The following SUGT1 variants were observed in gnomAD, a reference collection of about 807,000 sequenced individuals.
The protein encoded by SUGT1 is protein SGT1 homolog.
SUGT1 carries 15 observed loss-of-function variants against 56.1 expected under a neutral mutation model. The ratio of observed to expected loss-of-function variants is 0.27; its 90% CI spans 0.18 to 0.41. SUGT1 has a LOEUF of 0.41. Ranked by LOEUF, SUGT1 falls within the 10% of genes least tolerant of loss-of-function variation. The pLI, the probability that SUGT1 is intolerant of heterozygous loss-of-function variation, is 1.00. For synonymous variants in SUGT1, 123 were observed against 128.6 expected, an observed-to-expected ratio of 0.96 and a Z score of 0.30; for missense variants, 347 against 382.2, an observed-to-expected ratio of 0.91 and a Z score of 0.77.
At chr13:52,653,024 G>GA in intron 1 of SUGT1, 22 bp from the exon 2 acceptor site, 1 of 1,614,172 alleles carries the variant, frequency 6.2e-7, no homozygotes, top group Non-Finnish European at 8.5e-7. Flanking sequence ...GAGCCCTGCT[G>GA]AAGTCGTTGT....
At position 52,687,766 on chromosome 13, in the gene SUGT1, C is replaced by G; in HGVS notation, c.933C>G (p.Asn311Lys). ...CGGGTGGTACAGTTTTGAGTACCAA[C>G]TGGTCTGATGTAGGTAAAAGGAAAG... ...MESGGTVLST[N>K]WSDVGKRKVE... The change falls in exon 13 of 13, where the codon AAC (asparagine) becomes AAG (lysine). Residue 311 changes from asparagine (N) to lysine (K), a missense_variant. Coordinates refer to ENST00000310528, the MANE Select transcript of SUGT1 (RefSeq NM_006704.5). 1 of 1,602,064 alleles carries G rather than the reference C, an allele frequency of 6.2e-7. No homozygotes were observed. The highest frequency in any genetic ancestry group is 8.5e-7 in the Non-Finnish European group (1 of 1,175,394).
At chr13:52,682,307 T>G (rs1488864359) in intron 12 of SUGT1, among the ~76,000 whole-genome samples, 1 of 152,208 alleles carries the variant, frequency 6.6e-6, no homozygotes, top group Non-Finnish European at 1.5e-5. Context: ...CAAGTGATCC[T>G]TATGCCTCAG....
intron 12 of SUGT1, among the ~76,000 whole-genome samples, chr13:52,686,270 C>A (rs1309545304): frequency 2.0e-5 from 3 of 152,122 alleles, no homozygotes; most frequent in Non-Finnish European, 4.4e-5. Context: ...GTAATTCAGT[C>A]ATTTTATTTA....
chr13:52,675,163 C>G (rs1185605542), intron 10 of SUGT1, among the ~76,000 whole-genome samples: 1 of 152,170 alleles, frequency 6.6e-6, no homozygotes, highest in Non-Finnish European at 1.5e-5. Flanking sequence ...AGCGTTTCCC[C>G]TTCACAGTCA....
intron 12 of SUGT1, among the ~76,000 whole-genome samples, chr13:52,685,230 C>G (rs1963531178): frequency 6.9e-6 from 1 of 143,982 alleles, no homozygotes; most frequent in South Asian, 2.3e-4. Context: ...CCACACCTGG[C>G]TATTTTTCTT....
In SUGT1 at chr13:52,700,851, A is replaced by G. The variant is rs1458920464; in HGVS notation, c.*13016A>G. The G allele has an allele frequency of 6.6e-6, 1 of 152,224 alleles. No homozygotes were observed. The highest frequency in any genetic ancestry group is 1.5e-5 in the Non-Finnish European group (1 of 68,040). The allele number at this position is 152,224 out of a possible 1,614,324, so 9.4% of individuals were successfully genotyped here. A position where few individuals can be genotyped will look rare whatever the true frequency, so the allele number is the denominator to read the frequency against. ...AATTAAGTCAATCCACTCACAAAGA[A>G]TTTCTATTTTGTAAAAATGTAGCTT... is the stretch of plus-strand genomic sequence containing the variant. On this transcript the variant is annotated 3_prime_UTR_variant, in exon 13 of 13. Transcript: ENST00000310528.
At chr13:52,667,435 C>T (rs1247047331) in intron 10 of SUGT1, among the ~76,000 whole-genome samples, 1 of 152,006 alleles carries the variant, frequency 6.6e-6, no homozygotes, top group African/African-American at 2.4e-5. Context: ...ACCTCTGCCT[C>T]CTGGATCCAA....
At position 52,691,939 on chromosome 13, in the gene SUGT1, T is replaced by C. The variant is rs940630482; in HGVS notation, c.*4104T>C. On this transcript the variant is annotated 3_prime_UTR_variant, in exon 13 of 13. Transcript: ENST00000310528. ...ATTTTGGGAACTTGTGGGGAAAATA[T>C]TGATTTACCTACAAATGTTACTATT... The C allele has an allele frequency of 7.2e-5, 11 of 152,228 alleles. No homozygotes were observed. Among genetic ancestry groups the C allele is most frequent in the Admixed American group, 3.3e-4 (5 of 15,278 alleles). The allele number at this position is 152,228 out of a possible 1,614,324, so 9.4% of individuals were successfully genotyped here.
intron 7 of SUGT1, 119 bp downstream of exon 7, chr13:52,663,231 A>C: frequency 9.9e-7 from 1 of 1,012,304 alleles, no homozygotes; most frequent in Non-Finnish European, 1.4e-6. Flanking sequence ...AATTCCATTT[A>C]AGTGCTGGTT....
rs942321911 is a variant in SUGT1 at position 52,693,162 on chromosome 13, A to G, written c.*5327A>G. On this transcript the variant is annotated 3_prime_UTR_variant, in exon 13 of 13. Transcript: ENST00000310528. ...AATTTTGGCTTGTCTGGAGTCTTAA[A>G]TATTTGGTATGCCTTCACATTTGGA... 2 of 152,042 alleles carry G rather than the reference A, an allele frequency of 1.3e-5. No individual in the cohort carries two copies. The highest frequency in any genetic ancestry group is 4.8e-5 in the African/African-American group (2 of 41,424). 9.4% of individuals were successfully genotyped at this position (152,042 alleles called of 1,614,324 possible). A position where few individuals can be genotyped will look rare whatever the true frequency, so the allele number is the denominator to read the frequency against.
chr13:52,673,530 C>CCCA (rs1963023536), intron 10 of SUGT1, among the ~76,000 whole-genome samples: 1 of 152,240 alleles, frequency 6.6e-6, no homozygotes, highest in South Asian at 2.1e-4. Flanking sequence ...CAGGTTGTTA[C>CCCA]TAAGAGCTTT....
In SUGT1 at chr13:52,691,555, T is replaced by C. The variant is rs1295320843; in HGVS notation, c.*3720T>C. On this transcript the variant is annotated 3_prime_UTR_variant, in exon 13 of 13. Coordinates refer to ENST00000310528, the MANE Select transcript of SUGT1 (RefSeq NM_006704.5). ...CCCTTGGAATCTTTCCTGTTCAGATTGGTGTGCATCTCTCTGAACTTGTAG... is the reference window on the plus strand; with the variant it reads ...CCCTTGGAATCTTTCCTGTTCAGATCGGTGTGCATCTCTCTGAACTTGTAG... The C allele has an allele frequency of 6.6e-6, 1 of 152,190 alleles. No homozygotes were observed. Among genetic ancestry groups the C allele is most frequent in the Non-Finnish European group, 1.5e-5 (1 of 68,034 alleles). 9.4% of individuals were successfully genotyped at this position (152,190 alleles called of 1,614,324 possible).
chr13:52,654,833 A>G (rs1162724214), intron 2 of SUGT1, among the ~76,000 whole-genome samples: 1 of 152,240 alleles, frequency 6.6e-6, no homozygotes, highest in African/African-American at 2.4e-5. Context: ...GTACGGCGCA[A>G]TTTATTCTAA....
In SUGT1 at chr13:52,653,290, G is replaced by C. The variant is rs115515575; in HGVS notation, c.96+187G>C. ...GTTACACGGTAGCCGCGTTACCCCAGACTCCTGTCTTGCCCTTTCCACTCC... is the reference window on the plus strand; with the variant it reads ...GTTACACGGTAGCCGCGTTACCCCACACTCCTGTCTTGCCCTTTCCACTCC... On this transcript the variant is annotated intron_variant, in intron 2 of 12. Coordinates refer to ENST00000310528, the MANE Select transcript of SUGT1 (RefSeq NM_006704.5). Among the ~76,000 whole-genome samples, 493 of 152,142 alleles carry C rather than the reference G, an allele frequency of 3.2e-3. 3 individuals are homozygous for C. Among genetic ancestry groups the C allele is most frequent in the African/African-American group, 0.011 (475 of 41,484 alleles).
At chr13:52,685,012 T>C (rs565125486) in intron 12 of SUGT1, among the ~76,000 whole-genome samples, 1 of 151,514 alleles carries the variant, frequency 6.6e-6, no homozygotes, top group South Asian at 2.1e-4. Context: ...TGCCACCACG[T>C]CATTTCTTGA....
chr13:52,691,236 G>C lies in SUGT1; in HGVS notation c.*3401G>C, dbSNP rs963035360. ...GGGCTCAAGTTATCTACCTGCCTCA[G>C]CCTACCCAAAGTGCTGGGATTACAG... On this transcript the variant is annotated 3_prime_UTR_variant, in exon 13 of 13. Coordinates refer to ENST00000310528, the MANE Select transcript of SUGT1 (RefSeq NM_006704.5). The C allele has an allele frequency of 5.3e-5, 8 of 152,116 alleles. No individual in the cohort carries two copies. Among genetic ancestry groups the C allele is most frequent in the African/African-American group, 1.7e-4 (7 of 41,416 alleles). The allele number at this position is 152,116 out of a possible 1,614,324, so 9.4% of individuals were successfully genotyped here.
At chr13:52,664,656 T>G (rs1962609881) in intron 8 of SUGT1, among the ~76,000 whole-genome samples, 1 of 152,082 alleles carries the variant, frequency 6.6e-6, no homozygotes, top group Admixed American at 6.6e-5. Context: ...ATCAAGGTGG[T>G]TTTGGATATA....
chr13:52,658,481 T>C lies in SUGT1; in HGVS notation c.257+13T>C. 6.2e-7 allele frequency: 1 copy of C among 1,605,304 alleles called. No individual in the cohort carries two copies. The highest frequency in any genetic ancestry group is 8.5e-7 in the Non-Finnish European group (1 of 1,177,718). ...TGCTGAGAAAAGGGTATGCAGTAGC[T>C]ACTCTTCTTGTTGAGCTTGGTATAG... On this transcript the variant is annotated intron_variant, in intron 4 of 12. Coordinates refer to ENST00000310528, the MANE Select transcript of SUGT1 (RefSeq NM_006704.5).
Position 52,666,959 on chromosome 13 carries a change from A to G in SUGT1, c.627+40A>G, listed in dbSNP as rs185207365. 8.8e-6 allele frequency: 12 copies of G among 1,362,794 alleles called. No individual in the cohort carries two copies. In the Admixed American group the frequency reaches 9.1e-5, roughly 10 times the overall value. The allele number at this position is 1,362,794 out of a possible 1,614,324, so 84.4% of individuals were successfully genotyped here. A position where few individuals can be genotyped will look rare whatever the true frequency, so the allele number is the denominator to read the frequency against. Reference sequence around the variant, plus strand: ...AAGTTTGTTACTAGTAATATTTTCAAAATTATAGAAATACTGGTGAACTAA... The same window carrying G: ...AAGTTTGTTACTAGTAATATTTTCAGAATTATAGAAATACTGGTGAACTAA... On this transcript the variant is annotated intron_variant, in intron 10 of 12. Coordinates refer to ENST00000310528, the MANE Select transcript of SUGT1 (RefSeq NM_006704.5).
Sources: gnomAD v4.1 joint callset for allele counts (sites outside exome capture counted in the v4.1 genomes callset) on GRCh38, gnomAD v4.1.1 for gene constraint, MANE v1.5 for transcripts, NCBI Gene and HGNC (gene_info 2026-07-23, HGNC 2026-07-21) for gene names.